The following DENND4A variants were observed in gnomAD, a reference collection of about 807,000 sequenced individuals.
DENND4A encodes the protein C-myc promoter-binding protein.
DENND4A carries 70 observed loss-of-function variants against 199.3 expected under a neutral mutation model. That is an observed-to-expected ratio of 0.35 (90% CI 0.29 to 0.43). The LOEUF is 0.43. Among genes scored for constraint, DENND4A ranks in the 20% least tolerant of loss-of-function variants. The pLI is 1.00. For missense variants in DENND4A, 1,723 were observed against 2,255.8 expected, an observed-to-expected ratio of 0.76 and a Z score of 4.78; for synonymous variants, 686 against 766.9, an observed-to-expected ratio of 0.89 and a Z score of 1.74.
Position 65,697,269 on chromosome 15 carries a change from G to A in DENND4A, c.2948C>T (p.Ser983Phe), listed in dbSNP as rs983957072. 17 of 1,544,244 alleles carry A rather than the reference G, an allele frequency of 1.1e-5. No individual in the cohort carries two copies. Among genetic ancestry groups the A allele is most frequent in the Non-Finnish European group, 1.3e-5 (15 of 1,124,850 alleles). ...ATATCAACTTAAACAATACCTACAG[G>A]AACTACAATCACTCCCTTTTTTATC... ...EKDKKGSDCS[S>F]LSESESTKGS... Residue 983 changes from serine (S) to phenylalanine (F), a missense_variant and splice_region_variant, in exon 21 of 33, where the codon TCC becomes TTC. By Grantham distance (155) the Ser-to-Phe change is radical (BLOSUM62 -2). Transcript: ENST00000443035.
intron 4 of DENND4A, among the ~76,000 whole-genome samples, chr15:65,745,653 C>T (rs2076368067): frequency 6.6e-6 from 1 of 152,132 alleles, no homozygotes; most frequent in South Asian, 2.1e-4. Context: ...ACTCTACTTC[C>T]CAATAAATCC....
At chr15:65,674,049 GA>G (rs1344146965) in intron 24 of DENND4A, among the ~76,000 whole-genome samples, 7 of 151,958 alleles carry the variant, frequency 4.6e-5, no homozygotes, top group East Asian at 3.9e-4. Flanking sequence ...CAGCAAGGGG[GA>G]AAAAAAGAGG....
At chr15:65,743,830 G>C (rs909423069) in intron 4 of DENND4A, among the ~76,000 whole-genome samples, 6 of 152,344 alleles carry the variant, frequency 3.9e-5, no homozygotes, top group Non-Finnish European at 7.3e-5. Context: ...GGCAATGACA[G>C]CAGAGAAGAG....
At chr15:65,771,933 A>T in intron 1 of DENND4A, 1 of 1,607,528 alleles carries the variant, frequency 6.2e-7, no homozygotes, top group Middle Eastern at 1.9e-4. Flanking sequence ...GCTTTCTATA[A>T]GCTTTTTTCA....
intron 11 of DENND4A, among the ~76,000 whole-genome samples, chr15:65,723,451 T>C (rs1246598790): frequency 6.6e-6 from 1 of 152,172 alleles, no homozygotes; most frequent in African/African-American, 2.4e-5. Context: ...GTAAGGATCA[T>C]TTTTGTTTCT....
Position 65,691,392 on chromosome 15 carries a change from G to A in DENND4A, c.3202C>T (p.Gln1068Ter). The A allele has an allele frequency of 6.2e-7, 1 of 1,613,474 alleles. No individual in the cohort carries two copies. Among genetic ancestry groups the A allele is most frequent in the Non-Finnish European group, 8.5e-7 (1 of 1,179,712 alleles). The change falls in exon 23 of 33, where the codon CAA becomes TAA. Residue 1068 changes from glutamine (Q) to a stop codon, truncating the protein, a stop_gained. Coordinates refer to ENST00000443035, the MANE Select transcript of DENND4A (RefSeq NM_001320835.1). LOFTEE classifies it high-confidence loss of function. Reference sequence around the variant, plus strand: ...CGGTTTCTATTTCCCCAGACCACTTGCTGCTGCAAATTAGTTTCATTGTCA... The same window carrying A: ...CGGTTTCTATTTCCCCAGACCACTTACTGCTGCAAATTAGTTTCATTGTCA... Reference protein sequence around the residue: ...KSDNETNLQQQVVWGNRNRNL... With the variant: ...KSDNETNLQQ
intron 27 of DENND4A, among the ~76,000 whole-genome samples, chr15:65,668,716 G>A (rs2076124280): frequency 6.6e-6 from 1 of 152,046 alleles, no homozygotes; most frequent in Non-Finnish European, 1.5e-5. Context: ...AGCTACTTGG[G>A]AGGCTGAGGC....
intron 15 of DENND4A, among the ~76,000 whole-genome samples, chr15:65,704,726 G>T (rs1295349695): frequency 6.6e-6 from 1 of 152,040 alleles, no homozygotes; most frequent in Non-Finnish European, 1.5e-5. Flanking sequence ...AAGCAGCTGG[G>T]ATTACAGGCA....
At chr15:65,783,840 A>G (rs2077497551) in intron 1 of DENND4A, among the ~76,000 whole-genome samples, 1 of 152,204 alleles carries the variant, frequency 6.6e-6, no homozygotes, top group East Asian at 1.9e-4. Flanking sequence ...GGAGAAGAAA[A>G]AAAGACTATC....
chr15:65,755,414 C>T (rs916735054), intron 3 of DENND4A, among the ~76,000 whole-genome samples: 1 of 151,968 alleles, frequency 6.6e-6, no homozygotes, highest in Non-Finnish European at 1.5e-5. Context: ...AATAAAGCAC[C>T]CTAAGTAAAG....
Position 65,691,313 on chromosome 15 carries a change from T to G in DENND4A, c.3281A>C (p.Glu1094Ala). 6.2e-7 allele frequency: 1 copy of G among 1,613,470 alleles called. No individual in the cohort carries two copies. The highest frequency in any genetic ancestry group is 8.5e-7 in the Non-Finnish European group (1 of 1,179,714). Reference sequence around the variant, plus strand: ...TTCAACTATATCTCCAGGGGTTGCTTCCTGGTTAATTCTATTGAGCATAAA... The same window carrying G: ...TTCAACTATATCTCCAGGGGTTGCTGCCTGGTTAATTCTATTGAGCATAAA... ...MGFMLNRINQ[E>A]ATPGDIVEKL... The change falls in exon 23 of 33, where the codon GAA (glutamate) becomes GCA (alanine). Residue 1094 changes from glutamate (E) to alanine (A), a missense_variant. Physicochemically the swap from Glu to Ala is moderately radical, Grantham distance 107 (BLOSUM62 -1). Coordinates refer to ENST00000443035, the MANE Select transcript of DENND4A (RefSeq NM_001320835.1).
At chr15:65,776,262 G>A (rs756814071) in intron 1 of DENND4A, among the ~76,000 whole-genome samples, 2 of 152,162 alleles carry the variant, frequency 1.3e-5, no homozygotes, top group African/African-American at 2.4e-5. Flanking sequence ...ATGATGTGAT[G>A]TATTAATGGT....
At chr15:65,719,350 C>T (rs2075531249) in intron 12 of DENND4A, 1 of 148,266 alleles carries the variant, frequency 6.7e-6, no homozygotes, top group South Asian at 2.2e-4. Context: ...ATATAAGTAC[C>T]TGCAGGAAGA....
chr15:65,745,644 C>A (rs542905376), intron 4 of DENND4A, among the ~76,000 whole-genome samples: 142 of 152,208 alleles, frequency 9.3e-4, no homozygotes, highest in African/African-American at 3.3e-3. Flanking sequence ...AAAGTCCCAA[C>A]TCTACTTCCC....
chr15:65,672,743 T>C (rs1340547681), intron 24 of DENND4A, among the ~76,000 whole-genome samples: 1 of 152,140 alleles, frequency 6.6e-6, no homozygotes, highest in Admixed American at 6.5e-5. Flanking sequence ...GTAAGGGAAG[T>C]TTTGTGGTCA....
chr15:65,751,635 G>T (rs543736231), intron 4 of DENND4A, among the ~76,000 whole-genome samples: 1 of 152,296 alleles, frequency 6.6e-6, no homozygotes, highest in South Asian at 2.1e-4. Flanking sequence ...GAAAGGGAAT[G>T]ACTGGTGAGG....
chr15:65,702,813 T>C lies in DENND4A; in HGVS notation c.2223+60A>G, dbSNP rs983450664. 2.0e-6 allele frequency: 3 copies of C among 1,480,868 alleles called. No individual in the cohort carries two copies. In the African/African-American group the frequency reaches 4.2e-5, roughly 21 times the overall value. 91.7% of individuals were successfully genotyped at this position (1,480,868 alleles called of 1,614,324 possible). A position where few individuals can be genotyped will look rare whatever the true frequency, so the allele number is the denominator to read the frequency against. ...AGTGATAAAGCATATTACGGGAGGA[T>C]AAATATCCAATTTATTTCTTGTTCT... On this transcript the variant is annotated intron_variant, in intron 16 of 32. Transcript: ENST00000443035.
intron 4 of DENND4A, among the ~76,000 whole-genome samples, chr15:65,747,900 C>T (rs951644308): frequency 6.6e-6 from 1 of 151,440 alleles, no homozygotes; most frequent in Non-Finnish European, 1.5e-5. Context: ...AATAGTCAGG[C>T]GTGGTGGCGC....
At chr15:65,740,208 G>A (rs756100630) in intron 5 of DENND4A, among the ~76,000 whole-genome samples, 1 of 150,962 alleles carries the variant, frequency 6.6e-6, no homozygotes, top group Non-Finnish European at 1.5e-5. Context: ...TTCTGGTAGT[G>A]AGAATGACTC....
Sources: allele counts gnomAD v4.1 joint callset (sites outside exome capture counted in the v4.1 genomes callset), GRCh38; gene constraint gnomAD v4.1.1; transcripts MANE v1.5; gene names NCBI Gene and HGNC (gene_info 2026-07-23, HGNC 2026-07-21).